SGCZ: variants seen among roughly 807,000 people sequenced by gnomAD.
SGCZ encodes the protein sarcoglycan zeta.
Under a neutral mutation model 41.3 loss-of-function variants are expected in SGCZ, and 40 were observed. The ratio of observed to expected loss-of-function variants is 0.97; its 90% CI spans 0.75 to 1.26. The LOEUF (loss-of-function observed/expected upper bound fraction) is 1.26. SGCZ is among the 50% of genes most tolerant of loss of function. SGCZ has a pLI of 0.00. For missense variants in SGCZ, 552 were observed against 369.8 expected, an observed-to-expected ratio of 1.49 and a Z score of -4.04; for synonymous variants, 206 against 137.5, an observed-to-expected ratio of 1.50 and a Z score of -3.49.
rs534861745 is a variant in SGCZ at position 14,362,727 on chromosome 8, G to A, written c.235-38523C>T. On this transcript the variant is annotated intron_variant, in intron 2 of 7. Transcript: ENST00000382080. ...CCACTCACCAACCAGTCCCAGTGAG[G>A]TGAACCAGTGCCTGAGATGAAAATG... 3.9e-5 allele frequency among the ~76,000 whole-genome samples: 6 copies of A among 152,216 alleles called. No individual in the cohort carries two copies. The South Asian group carries it at 1.2e-3, about 32-fold the overall frequency.
At chr8:14,206,710 C>A (rs1487144609) in intron 4 of SGCZ, among the ~76,000 whole-genome samples, 1 of 152,142 alleles carries the variant, frequency 6.6e-6, no homozygotes, top group African/African-American at 2.4e-5. Flanking sequence ...CCTACTGTAT[C>A]CTGCTATAAC....
At chr8:14,325,747 C>CACACATAT (rs1802079598) in intron 2 of SGCZ, among the ~76,000 whole-genome samples, 1 of 69,460 alleles carries the variant, frequency 1.4e-5, no homozygotes, top group Non-Finnish European at 3.1e-5. Context: ...CACACACACA[C>CACACATAT]ATATATATAT....
At chr8:14,966,406 G>A (rs1440728938) in intron 1 of SGCZ, among the ~76,000 whole-genome samples, 1 of 151,528 alleles carries the variant, frequency 6.6e-6, no homozygotes, top group East Asian at 1.9e-4. Flanking sequence ...ATAACTACAT[G>A]TTTATAAAAT....
intron 2 of SGCZ, among the ~76,000 whole-genome samples, chr8:14,518,272 T>G (rs933988612): frequency 6.6e-6 from 1 of 152,076 alleles, no homozygotes; most frequent in Non-Finnish European, 1.5e-5. Context: ...GAAAATATGC[T>G]AATCAACAAA....
intron 2 of SGCZ, among the ~76,000 whole-genome samples, chr8:14,355,437 C>T (rs1161586091): frequency 6.6e-6 from 1 of 152,046 alleles, no homozygotes; most frequent in East Asian, 1.9e-4. Context: ...TATTCTTTAA[C>T]AAATACTGGC....
At position 14,093,060 on chromosome 8, in the gene SGCZ, C is replaced by T. The variant is rs192554500; in HGVS notation, c.745-2423G>A. 9.2e-5 allele frequency among the ~76,000 whole-genome samples: 14 copies of T among 152,060 alleles called. 1 individual carries two copies. In the East Asian group the frequency reaches 9.7e-4, roughly 11 times the overall value. On this transcript the variant is annotated intron_variant, in intron 7 of 7. Coordinates refer to ENST00000382080, the MANE Select transcript of SGCZ (RefSeq NM_139167.4). ...GAAAGTTTCAGAAAAAGAAAAAAAA[C>T]GGATCTTGAATTTGAGCAAAGAAAT... is the stretch of plus-strand genomic sequence containing the variant.
intron 1 of SGCZ, among the ~76,000 whole-genome samples, chr8:15,206,259 G>C (rs561085615): frequency 1.3e-5 from 2 of 152,188 alleles, no homozygotes; most frequent in East Asian, 1.9e-4. Context: ...AGGCTTTGCA[G>C]AAGATGTGAG....
chr8:14,925,005 G>A (rs542347422), intron 1 of SGCZ, among the ~76,000 whole-genome samples: 17 of 151,852 alleles, frequency 1.1e-4, no homozygotes, highest in African/African-American at 2.4e-4. Context: ...TTACAGGTGC[G>A]GGCCTCAATG....
intron 1 of SGCZ, among the ~76,000 whole-genome samples, chr8:14,645,648 A>G (rs1305579026): frequency 6.6e-6 from 1 of 151,458 alleles, no homozygotes; most frequent in Admixed American, 6.6e-5. Context: ...CACTTATAAC[A>G]CTATTATACC....
chr8:14,307,442 G>A (rs183100850), intron 3 of SGCZ, among the ~76,000 whole-genome samples: 14 of 152,140 alleles, frequency 9.2e-5, no homozygotes, highest in Admixed American at 1.3e-4. Context: ...CCAGGATCTG[G>A]CAAATAACTA....
chr8:15,197,854 T>A (rs1048604305), intron 1 of SGCZ, among the ~76,000 whole-genome samples: 3 of 151,580 alleles, frequency 2.0e-5, no homozygotes, highest in African/African-American at 7.3e-5. Context: ...CGCACACACA[T>A]ACCAATATAT....
chr8:14,294,301 C>A (rs760884806), intron 3 of SGCZ, among the ~76,000 whole-genome samples: 2 of 151,480 alleles, frequency 1.3e-5, no homozygotes, highest in Non-Finnish European at 3.0e-5. Flanking sequence ...TCATTCTCAC[C>A]GACACAACAT....
chr8:14,466,243 G>C (rs1801045568), intron 2 of SGCZ, among the ~76,000 whole-genome samples: 1 of 151,926 alleles, frequency 6.6e-6, no homozygotes, highest in Admixed American at 6.6e-5. Context: ...TTGGATAAAG[G>C]ATTCTTGGTT....
intron 1 of SGCZ, among the ~76,000 whole-genome samples, chr8:15,107,270 G>C (rs1460434600): frequency 6.6e-6 from 1 of 152,114 alleles, no homozygotes; most frequent in Non-Finnish European, 1.5e-5. Context: ...TTAAAGTTGT[G>C]CTGTGGTTTA....
chr8:14,257,498 T>C (rs1035966322), intron 3 of SGCZ, among the ~76,000 whole-genome samples: 7 of 151,328 alleles, frequency 4.6e-5, no homozygotes, highest in Admixed American at 2.6e-4. Flanking sequence ...ATTTTTTTTT[T>C]ATACTTTTAG....
At chr8:14,653,163 T>G (rs1279415742) in intron 1 of SGCZ, among the ~76,000 whole-genome samples, 1 of 152,054 alleles carries the variant, frequency 6.6e-6, no homozygotes, top group Non-Finnish European at 1.5e-5. Context: ...TCAGATCTGT[T>G]TTTTTAATCT....
intron 1 of SGCZ, among the ~76,000 whole-genome samples, chr8:14,656,530 C>T (rs1272820626): frequency 7.0e-6 from 1 of 142,290 alleles, no homozygotes; most frequent in Non-Finnish European, 1.5e-5. Context: ...TCTTTTCTTT[C>T]TTTTTTCTTT....
intron 1 of SGCZ, among the ~76,000 whole-genome samples, chr8:15,184,046 C>T (rs1800257719): frequency 6.6e-6 from 1 of 152,120 alleles, no homozygotes; most frequent in South Asian, 2.1e-4. Flanking sequence ...TTTTATAGTG[C>T]TGAAATAATA....
chr8:14,876,250 T>C (rs776597677), intron 1 of SGCZ, among the ~76,000 whole-genome samples: 2 of 152,084 alleles, frequency 1.3e-5, no homozygotes, highest in Non-Finnish European at 1.5e-5. Flanking sequence ...CATTTCTAAA[T>C]AACCCATGGG....
Sources: allele counts gnomAD v4.1 joint callset (sites outside exome capture counted in the v4.1 genomes callset), GRCh38; gene constraint gnomAD v4.1.1; transcripts MANE v1.5; gene names NCBI Gene and HGNC (gene_info 2026-07-23, HGNC 2026-07-21).